The following TEX2 variants were observed in gnomAD, a reference collection of about 807,000 sequenced individuals.
The protein encoded by TEX2 is testis expressed 2.
Under a neutral mutation model 106.9 loss-of-function variants are expected in TEX2, and 53 were observed. The observed-to-expected ratio is 0.50, with a 90% CI of 0.40 to 0.62. The LOEUF is 0.62. Among genes scored for constraint, TEX2 ranks in the 20% least tolerant of loss-of-function variants. The pLI is 0.00. For missense variants in TEX2, 1,207 were observed against 1,379.0 expected, an observed-to-expected ratio of 0.88 and a Z score of 1.98; for synonymous variants, 523 against 534.8, an observed-to-expected ratio of 0.98 and a Z score of 0.30.
intron 1 of TEX2, among the ~76,000 whole-genome samples, chr17:64,248,488 C>T (rs1166397764): frequency 6.6e-6 from 1 of 152,184 alleles, no homozygotes; most frequent in Non-Finnish European, 1.5e-5. Context: ...CCACTGTTTT[C>T]TAAGCAGTGT....
intron 4 of TEX2, among the ~76,000 whole-genome samples, chr17:64,188,797 C>T (rs1446956766): frequency 7.0e-5 from 10 of 143,396 alleles, no homozygotes; most frequent in African/African-American, 2.6e-4. Flanking sequence ...GTCTGGGCAA[C>T]AGAGCGAGAC....
intron 10 of TEX2, among the ~76,000 whole-genome samples, chr17:64,151,266 C>A (rs1188294140): frequency 6.6e-6 from 1 of 152,014 alleles, no homozygotes; most frequent in East Asian, 1.9e-4. Context: ...ATGGCAATAA[C>A]CTTTTTTCTT....
Position 64,194,966 on chromosome 17 carries a change from C to T in TEX2, c.1774G>A (p.Ala592Thr), listed in dbSNP as rs1219927246. Residue 592 changes from alanine to threonine, a missense_variant, in exon 3 of 12, where the codon GCC becomes ACC. By Grantham distance (58) the Ala-to-Thr change is moderately conservative. Coordinates refer to ENST00000584379, the MANE Select transcript of TEX2 (RefSeq NM_001288732.2). ...TCTGGCTTGGGTTCATTGTAGCTGG[C>T]CCTCCTGGATATATTTTTATTGGGC... ...SKPNKNISRR[A>T]SYNEPKPEVT... is the part of the protein sequence containing the mutation. 6.2e-7 allele frequency: 1 copy of T among 1,614,150 alleles called. No individual in the cohort carries two copies. The highest frequency in any genetic ancestry group is 1.1e-5 in the South Asian group (1 of 91,086).
intron 5 of TEX2, among the ~76,000 whole-genome samples, chr17:64,186,354 T>C (rs1354430367): frequency 6.6e-6 from 1 of 152,158 alleles, no homozygotes; most frequent in Non-Finnish European, 1.5e-5. Flanking sequence ...CTGGGGTGAC[T>C]CAGTGCAGAG....
At chr17:64,151,919 A>AT in intron 10 of TEX2, among the ~76,000 whole-genome samples, 1 of 152,070 alleles carries the variant, frequency 6.6e-6, no homozygotes, top group Non-Finnish European at 1.5e-5. Context: ...TTATTTATCT[A>AT]TTTTTCACCT....
chr17:64,253,390 C>A (rs1176539466), intron 1 of TEX2, among the ~76,000 whole-genome samples: 1 of 150,480 alleles, frequency 6.6e-6, no homozygotes, highest in Non-Finnish European at 1.5e-5. Context: ...GTGTCGAACT[C>A]CTGGGCTCAG....
At chr17:64,184,367 G>C (rs2031998076) in intron 5 of TEX2, among the ~76,000 whole-genome samples, 1 of 152,142 alleles carries the variant, frequency 6.6e-6, no homozygotes, top group Non-Finnish European at 1.5e-5. Context: ...CTCCCAAAGT[G>C]CTCAGATTAT....
chr17:64,221,882 G>A (rs1316518183), intron 1 of TEX2, among the ~76,000 whole-genome samples: 2 of 152,130 alleles, frequency 1.3e-5, no homozygotes, highest in African/African-American at 4.8e-5. Flanking sequence ...GAACCTTGAG[G>A]ACATTATGCT....
chr17:64,247,168 C>T (rs781949859), intron 1 of TEX2, among the ~76,000 whole-genome samples: 14 of 151,410 alleles, frequency 9.2e-5, no homozygotes, highest in Non-Finnish European at 1.9e-4. Flanking sequence ...ACTTGGGAGG[C>T]TGAGGCAGGA....
At chr17:64,193,389 C>T (rs2032362705) in intron 4 of TEX2, among the ~76,000 whole-genome samples, 170 bp downstream of exon 4, 1 of 152,188 alleles carries the variant, frequency 6.6e-6, no homozygotes, top group Non-Finnish European at 1.5e-5. Flanking sequence ...CAGACGGCTG[C>T]AGTGATCAGC....
chr17:64,262,087 C>A (rs1180451160), intron 1 of TEX2, among the ~76,000 whole-genome samples: 2 of 152,232 alleles, frequency 1.3e-5, no homozygotes, highest in East Asian at 1.9e-4. Flanking sequence ...CTCTGAGAAT[C>A]CTCAAAACAT....
chr17:64,231,574 G>A (rs1464273372), intron 1 of TEX2, among the ~76,000 whole-genome samples: 3 of 152,186 alleles, frequency 2.0e-5, no homozygotes, highest in African/African-American at 7.2e-5. Flanking sequence ...TCAGTATTAA[G>A]CTTCTGTCAC....
chr17:64,238,291 T>A (rs1336927165), intron 1 of TEX2, among the ~76,000 whole-genome samples: 2 of 152,214 alleles, frequency 1.3e-5, no homozygotes, highest in Admixed American at 6.5e-5. Flanking sequence ...ACTGTGAGAC[T>A]CTGTCTCAAA....
At chr17:64,243,383 A>G (rs2033926939) in intron 1 of TEX2, among the ~76,000 whole-genome samples, 1 of 152,238 alleles carries the variant, frequency 6.6e-6, no homozygotes, top group Non-Finnish European at 1.5e-5. Flanking sequence ...AGCTTTTTCA[A>G]TAATAAAAAT....
rs935716429 is a variant in TEX2 at position 64,153,222 on chromosome 17, C to T, written c.2931-68G>A. On this transcript the variant is annotated intron_variant, in intron 9 of 11. Coordinates refer to ENST00000584379, the MANE Select transcript of TEX2 (RefSeq NM_001288732.2). The surrounding 1 kb of genome is among the most constrained non-coding windows in gnomAD (Gnocchi z 4.1). ...TCTTTTCACAGACAAAAACCTGTGG[C>T]TCTTCGTTCCCCTTACTTTAGAGCA... The T allele has an allele frequency of 8.3e-6, 9 of 1,085,462 alleles. No individual in the cohort carries two copies. The highest frequency in any genetic ancestry group is 1.2e-5 in the Non-Finnish European group (9 of 731,800). The allele number at this position is 1,085,462 out of a possible 1,614,324, so 67.2% of individuals were successfully genotyped here. A position where few individuals can be genotyped will look rare whatever the true frequency, so the allele number is the denominator to read the frequency against.
chr17:64,249,758 G>A (rs954893985), intron 1 of TEX2, among the ~76,000 whole-genome samples: 3 of 151,986 alleles, frequency 2.0e-5, no homozygotes, highest in Non-Finnish European at 4.4e-5. Flanking sequence ...TTCACTTCAG[G>A]CTATTAGGCC....
At chr17:64,206,323 C>T (rs2032827988) in intron 2 of TEX2, among the ~76,000 whole-genome samples, 1 of 152,228 alleles carries the variant, frequency 6.6e-6, no homozygotes, top group African/African-American at 2.4e-5. Context: ...GCCCACCATG[C>T]TCTAAGTCCT....
At chr17:64,175,828 A>G (rs1296378706) in intron 6 of TEX2, among the ~76,000 whole-genome samples, 1 of 152,222 alleles carries the variant, frequency 6.6e-6, no homozygotes, top group East Asian at 1.9e-4. Context: ...CACACTGCCA[A>G]GAACTGCAGC....
At position 64,148,075 on chromosome 17, in the gene TEX2, C is replaced by T. The variant is rs2030142304; in HGVS notation, c.*894G>A. 6.6e-6 allele frequency: 1 copy of T among 150,742 alleles called. No homozygotes were observed. Among genetic ancestry groups the T allele is most frequent in the Non-Finnish European group, 1.5e-5 (1 of 68,000 alleles). The allele number at this position is 150,742 out of a possible 1,614,324, so 9.3% of individuals were successfully genotyped here. On this transcript the variant is annotated 3_prime_UTR_variant, in exon 12 of 12. Transcript: ENST00000584379. ...TTTGGCCTTCAGGAAGGGAAATCTG[C>T]CCATGGAACTCTCCCAATCAGATTA...
Sources: gnomAD v4.1 joint callset for allele counts (sites outside exome capture counted in the v4.1 genomes callset) on GRCh38, gnomAD v4.1.1 for gene constraint, Gnocchi (gnomAD v3.1) non-coding constraint, MANE v1.5 for transcripts, NCBI Gene and HGNC (gene_info 2026-07-23, HGNC 2026-07-21) for gene names.